The following WWOX variants were observed in gnomAD, a reference collection of about 807,000 sequenced individuals.
WWOX encodes the protein WW domain-containing oxidoreductase.
A neutral mutation model predicts 46.2 loss-of-function variants in WWOX; 69 were observed. That is an observed-to-expected ratio of 1.49 (90% CI 1.23 to 1.82). The LOEUF is 1.82. WWOX is among the 40% of genes most tolerant of loss of function. The pLI is 0.00. For synonymous variants in WWOX, 359 were observed against 202.6 expected (o/e 1.77, Z -6.56); for missense variants, 919 against 542.6 (o/e 1.69, Z -6.89).
intron 8 of WWOX, among the ~76,000 whole-genome samples, chr16:78,472,051 C>T (rs16947620): frequency 0.11 from 16,529 of 152,068 alleles, 1,601 homozygotes; most frequent in African/African-American, 0.25. Context: ...GTTATGATGC[C>T]AATTTGCCCA....
chr16:78,159,672 GTTTTTTTTT>G (rs35468343), intron 4 of WWOX, among the ~76,000 whole-genome samples: 2 of 55,382 alleles, frequency 3.6e-5, no homozygotes, highest in African/African-American at 1.4e-4. Context: ...AAAATCTGTG[GTTTTTTTTT>G]TTTTTTTTTT....
intron 8 of WWOX, among the ~76,000 whole-genome samples, chr16:78,433,503 C>T (rs1280739701): frequency 1.3e-5 from 2 of 152,182 alleles, no homozygotes; most frequent in Non-Finnish European, 2.9e-5. Context: ...TCAAAAATGT[C>T]TTCCTATTAG....
intron 8 of WWOX, among the ~76,000 whole-genome samples, chr16:78,864,192 C>T (rs2043953089): frequency 1.3e-5 from 2 of 152,026 alleles, no homozygotes. Flanking sequence ...ATGGTTAATT[C>T]ATCAGGAATT....
At chr16:78,640,454 C>G (rs1168394571) in intron 8 of WWOX, among the ~76,000 whole-genome samples, 3 of 151,980 alleles carry the variant, frequency 2.0e-5, no homozygotes, top group Admixed American at 6.6e-5. Context: ...TTCTGCACCT[C>G]CCAGGCTCCT....
intron 8 of WWOX, among the ~76,000 whole-genome samples, chr16:78,750,294 G>C (rs185745454): frequency 3.5e-4 from 53 of 152,246 alleles, no homozygotes; most frequent in African/African-American, 1.2e-3. Context: ...ACAGAAATGA[G>C]AGGCACAAAA....
chr16:78,896,890 T>A (rs1432203615), intron 8 of WWOX: 1 of 151,944 alleles, frequency 6.6e-6, no homozygotes, highest in East Asian at 1.9e-4. Context: ...TTGAAAAATG[T>A]ATACGTGTAC....
intron 8 of WWOX, among the ~76,000 whole-genome samples, chr16:79,065,977 C>T (rs1415034237): frequency 6.6e-6 from 1 of 152,150 alleles, no homozygotes; most frequent in South Asian, 2.1e-4. Flanking sequence ...CCTCTTTGTA[C>T]CACCTTCCAA....
chr16:78,964,488 A>G (rs1597213246), intron 8 of WWOX, among the ~76,000 whole-genome samples: 1 of 152,240 alleles, frequency 6.6e-6, no homozygotes, highest in Non-Finnish European at 1.5e-5. Context: ...ATCTGGCCGA[A>G]GAAATTTCTC....
chr16:78,889,973 A>G (rs1256915246), intron 8 of WWOX, among the ~76,000 whole-genome samples: 1 of 152,174 alleles, frequency 6.6e-6, no homozygotes, highest in Non-Finnish European at 1.5e-5. Context: ...TCTTTCAGAA[A>G]ATGAATCTCT....
At chr16:78,937,450 T>A (rs1409794490) in intron 8 of WWOX, among the ~76,000 whole-genome samples, 1 of 54,984 alleles carries the variant, frequency 1.8e-5, no homozygotes, top group Non-Finnish European at 3.8e-5. Context: ...TGTATTAACT[T>A]TTTTTTTTTT....
chr16:78,118,914 A>C (rs1262677672), intron 4 of WWOX: 1 of 152,046 alleles, frequency 6.6e-6, no homozygotes, highest in African/African-American at 2.4e-5. Context: ...TTGCCTCCTC[A>C]GAAACTAACA....
At chr16:78,995,871 A>T (rs1250801098) in intron 8 of WWOX, among the ~76,000 whole-genome samples, 1 of 152,138 alleles carries the variant, frequency 6.6e-6, no homozygotes, top group East Asian at 1.9e-4. Flanking sequence ...GGTTTTGGAG[A>T]TTGTGTGATC....
chr16:78,570,439 G>A (rs1269171282), intron 8 of WWOX, among the ~76,000 whole-genome samples: 3 of 152,150 alleles, frequency 2.0e-5, no homozygotes, highest in African/African-American at 2.4e-5. Flanking sequence ...CTCCCGAGTA[G>A]CTGGGATTAC....
intron 8 of WWOX, among the ~76,000 whole-genome samples, chr16:78,928,251 G>A (rs563849091): frequency 7.0e-6 from 1 of 142,928 alleles, no homozygotes; most frequent in African/African-American, 2.7e-5. Flanking sequence ...CGCCCAGGCT[G>A]GAGTGCAGTG....
chr16:78,239,383 G>A (rs898404245), intron 5 of WWOX, among the ~76,000 whole-genome samples: 13 of 152,128 alleles, frequency 8.5e-5, no homozygotes, highest in African/African-American at 2.9e-4. Context: ...CATTCATGCT[G>A]AGACCCTGAT....
At chr16:78,214,548 C>A (rs1035453777) in intron 5 of WWOX, among the ~76,000 whole-genome samples, 4 of 152,298 alleles carry the variant, frequency 2.6e-5, no homozygotes, top group Non-Finnish European at 5.9e-5. Flanking sequence ...GGGATTGCAC[C>A]TCCCTCTGAA....
intron 8 of WWOX, among the ~76,000 whole-genome samples, chr16:78,630,933 T>C (rs1318251712): frequency 6.6e-6 from 1 of 152,164 alleles, no homozygotes; most frequent in Non-Finnish European, 1.5e-5. Context: ...ATTAAAAGCA[T>C]TCGAACAAAC....
chr16:78,394,011 T>A (rs942069148), intron 6 of WWOX, among the ~76,000 whole-genome samples: 18 of 152,346 alleles, frequency 1.2e-4, no homozygotes, highest in African/African-American at 4.1e-4. Context: ...TGGATTCATA[T>A]TCCAAATTTT....
chr16:79,043,126 G>A (rs2048003172), intron 8 of WWOX, among the ~76,000 whole-genome samples: 1 of 152,098 alleles, frequency 6.6e-6, no homozygotes, highest in South Asian at 2.1e-4. Context: ...CAGGTGAGAG[G>A]TGCTGACTTT....
Sources: gnomAD v4.1 joint callset for allele counts (sites outside exome capture counted in the v4.1 genomes callset) on GRCh38, gnomAD v4.1.1 for gene constraint, MANE v1.5 for transcripts, NCBI Gene and HGNC (gene_info 2026-07-23, HGNC 2026-07-21) for gene names.